TNRC18: variants seen among roughly 807,000 people sequenced by gnomAD.
The protein encoded by TNRC18 is trinucleotide repeat-containing gene 18 protein.
A neutral mutation model predicts 226.7 loss-of-function variants in TNRC18; 69 were observed. That is an observed-to-expected ratio of 0.30 (90% confidence interval 0.25 to 0.37). The LOEUF is 0.37. Among genes scored for constraint, TNRC18 ranks in the 10% least tolerant of loss-of-function variants. The probability of loss-of-function intolerance (pLI) is 1.00; values close to 1 mark genes in which losing one functional copy is unlikely to be tolerated. For missense variants in TNRC18, 4,754 were observed against 4,256.6 expected, an observed-to-expected ratio of 1.12 and a Z score of -3.25; for synonymous variants, 2,449 against 1,927.6, an observed-to-expected ratio of 1.27 and a Z score of -7.09.
Position 5,394,421 on chromosome 7 carries a change from A to ACCCCGG in TNRC18, c.343+13_343+18dup, listed in dbSNP as rs1365384850. On this transcript the variant is annotated intron_variant, in intron 3 of 29. Transcript: ENST00000430969. This position sits in a 1 kb window ranked among gnomAD's most constrained non-coding sequence, Gnocchi z 4.5. ...GTCAGCCCAGCAGCCCTCAGCCCCG[A>ACCCCGG]CCCCGGCATGTTCCTTACCTTCATG... 1 of 1,515,046 alleles carries ACCCCGG rather than the reference A, an allele frequency of 6.6e-7. No homozygotes were observed. The highest frequency in any genetic ancestry group is 8.8e-7 in the Non-Finnish European group (1 of 1,132,206). The allele number at this position is 1,515,046 out of a possible 1,614,324, so 93.9% of individuals were successfully genotyped here.
intron 17 of TNRC18, among the ~76,000 whole-genome samples, chr7:5,346,255 G>A (rs577223806): frequency 6.6e-6 from 1 of 152,220 alleles, no homozygotes; most frequent in African/African-American, 2.4e-5. Flanking sequence ...TCAGGCTAGG[G>A]GTTCTGGGCA....
In TNRC18 at chr7:5,345,817, T is replaced by C; in HGVS notation, c.5471-7A>G. On this transcript the variant is annotated splice_region_variant and splice_polypyrimidine_tract_variant and intron_variant, in intron 17 of 29. Coordinates refer to ENST00000430969, the MANE Select transcript of TNRC18 (RefSeq NM_001080495.3). Reference sequence around the variant, plus strand: ...TCCTCCTCCGAGCTCTCATCTGGCGTGCAGAAAACAGGGACCGAGTCAGAG... The same window carrying C: ...TCCTCCTCCGAGCTCTCATCTGGCGCGCAGAAAACAGGGACCGAGTCAGAG... 6.5e-7 allele frequency: 1 copy of C among 1,539,492 alleles called. No homozygotes were observed. Among genetic ancestry groups the C allele is most frequent in the Non-Finnish European group, 8.7e-7 (1 of 1,145,520 alleles).
At chr7:5,389,483 T>G in intron 4 of TNRC18, 147 bp from the exon 5 acceptor site, 1 of 994,896 alleles carries the variant, frequency 1.0e-6, no homozygotes, top group Non-Finnish European at 1.3e-6. Context: ...AGAAAGAGTC[T>G]CGCTCTCCTC....
At chr7:5,341,073 G>A (rs933452582) in intron 18 of TNRC18, among the ~76,000 whole-genome samples, 2 of 151,946 alleles carry the variant, frequency 1.3e-5, no homozygotes, top group Non-Finnish European at 2.9e-5. Flanking sequence ...GAAAACCCCA[G>A]GGTCCTTAAG....
At chr7:5,410,530 C>T (rs1055878033) in intron 2 of TNRC18, among the ~76,000 whole-genome samples, 6 of 151,982 alleles carry the variant, frequency 3.9e-5, no homozygotes, top group Admixed American at 6.6e-5. Flanking sequence ...GACCCCATAA[C>T]AAAACATATC....
At chr7:5,361,434 G>T (rs1339158547) in intron 14 of TNRC18, among the ~76,000 whole-genome samples, 160 bp downstream of exon 14, 1 of 152,178 alleles carries the variant, frequency 6.6e-6, no homozygotes, top group Non-Finnish European at 1.5e-5. Flanking sequence ...TCCTGGCCCG[G>T]GCAGCACAGG....
In TNRC18 at chr7:5,312,718, G is replaced by T; in HGVS notation, c.8173C>A (p.Gln2725Lys). Residue 2725 changes from glutamine (Q) to lysine (K), a missense_variant, in exon 27 of 30, where the codon CAG becomes AAG. By Grantham distance (53) the Gln-to-Lys change is moderately conservative. Coordinates refer to ENST00000430969, the MANE Select transcript of TNRC18 (RefSeq NM_001080495.3). This position sits in a 1 kb window ranked among gnomAD's most constrained non-coding sequence, Gnocchi z 6.3. ...GGCTGCGGAGGAGGCGCCTGGGGCT[G>T]GGGCGCGGGCGTCTTCTTGCCTGGG... ...HSPGKKTPAP[Q>K]PQAPPPQPTQ... is the part of the protein sequence containing the mutation. 1.9e-6 allele frequency: 3 copies of T among 1,570,136 alleles called. No individual in the cohort carries two copies. Among genetic ancestry groups the T allele is most frequent in the Non-Finnish European group, 2.6e-6 (3 of 1,161,260 alleles).
At chr7:5,390,335 G>A in intron 4 of TNRC18, 150 bp downstream of exon 4, 1 of 865,542 alleles carries the variant, frequency 1.2e-6, no homozygotes, top group South Asian at 1.8e-5. Flanking sequence ...CTCCAGCCTG[G>A]GCAACATAGT....
chr7:5,356,765 A>T (rs1446171350), intron 16 of TNRC18, 151 bp downstream of exon 16: 1 of 1,141,748 alleles, frequency 8.8e-7, no homozygotes. Context: ...CTTGGAGGCC[A>T]TGCCAAGCTC....
At chr7:5,334,378 G>C (rs1789872903) in intron 18 of TNRC18, among the ~76,000 whole-genome samples, 1 of 151,754 alleles carries the variant, frequency 6.6e-6, no homozygotes, top group Non-Finnish European at 1.5e-5. Context: ...CTCACTGCAA[G>C]CTCCGCTTCC....
chr7:5,335,484 G>C (rs1790000865), intron 18 of TNRC18, among the ~76,000 whole-genome samples: 1 of 151,110 alleles, frequency 6.6e-6, no homozygotes, highest in African/African-American at 2.4e-5. Flanking sequence ...GGTGGGCACT[G>C]TAGTCCCAGC....
Position 5,362,013 on chromosome 7 carries a change from G to C in TNRC18, c.4416C>G (p.Ser1472=). 1 of 1,613,574 alleles carries C rather than the reference G, an allele frequency of 6.2e-7. No homozygotes were observed. The highest frequency in any genetic ancestry group is 8.5e-7 in the Non-Finnish European group (1 of 1,179,744). ...KEERMYAMKS[S]LEDMDALELD... ...GCTCCAGGGCGTCCATGTCCTCCAG[G>C]GAGGACTTCATGGCATACATCTGGG... Residue 1472 remains serine (S), a synonymous_variant, in exon 13 of 30, where the codon TCC becomes TCG. Transcript: ENST00000430969.
At chr7:5,368,450 G>A (rs564719337) in intron 11 of TNRC18, among the ~76,000 whole-genome samples, 3 of 151,612 alleles carry the variant, frequency 2.0e-5, no homozygotes, top group Admixed American at 2.0e-4. Context: ...ATCACTTGAG[G>A]TCAGGAGTAC....
At chr7:5,348,393 T>G (rs1034150544) in intron 17 of TNRC18, among the ~76,000 whole-genome samples, 4 of 152,022 alleles carry the variant, frequency 2.6e-5, no homozygotes, top group African/African-American at 9.7e-5. Context: ...AGACCCTTTC[T>G]CTCCAGGGCG....
chr7:5,325,098 CCTT>C lies in TNRC18; in HGVS notation c.6295_6297del (p.Lys2099del). 6.5e-7 allele frequency: 1 copy of C among 1,549,986 alleles called. No homozygotes were observed. Among genetic ancestry groups the C allele is most frequent in the African/African-American group, 1.4e-5 (1 of 73,100 alleles). On this transcript the variant is annotated inframe_deletion, in exon 20 of 30. Transcript: ENST00000430969. The stretch of plus-strand genomic sequence containing the variant: ...AACCAGGGCACGGTGAGCCTCACCT[CCTT>C]CTTCACCTCCTTCCCTTTGGCCTTG...
chr7:5,330,460 A>C (rs1454386422), intron 19 of TNRC18, among the ~76,000 whole-genome samples: 1 of 148,764 alleles, frequency 6.7e-6, no homozygotes, highest in African/African-American at 2.5e-5. Context: ...TGCCCAGGCC[A>C]GTCTCAAAAC....
intron 27 of TNRC18, among the ~76,000 whole-genome samples, chr7:5,310,949 T>C (rs35787899): frequency 0.11 from 15,739 of 149,772 alleles, 1,567 homozygotes; most frequent in African/African-American, 0.27. Context: ...TGCACGTGTT[T>C]GTGTGTGTGC....
At chr7:5,383,636 G>A (rs1013664292) in intron 5 of TNRC18, among the ~76,000 whole-genome samples, 9 of 152,212 alleles carry the variant, frequency 5.9e-5, no homozygotes, top group Non-Finnish European at 1.3e-4. Flanking sequence ...CAACCCGACT[G>A]TCCTCAGCTG....
chr7:5,375,662 G>C (rs992037200), intron 9 of TNRC18, among the ~76,000 whole-genome samples: 1 of 152,116 alleles, frequency 6.6e-6, no homozygotes, highest in Non-Finnish European at 1.5e-5. Flanking sequence ...TCTCCGAGAG[G>C]CCACCTGGAG....
Sources: gnomAD v4.1 joint callset for allele counts (sites outside exome capture counted in the v4.1 genomes callset) on GRCh38, gnomAD v4.1.1 for gene constraint, Gnocchi (gnomAD v3.1) non-coding constraint, MANE v1.5 for transcripts, NCBI Gene and HGNC (gene_info 2026-07-23, HGNC 2026-07-21) for gene names.